CHST1: variants seen among roughly 807,000 people sequenced by gnomAD.
CHST1 encodes Keratan sulfotransferase.
CHST1 carries 10 observed loss-of-function variants against 22.5 expected under a neutral mutation model. That is an observed-to-expected ratio of 0.44 (90% CI 0.27 to 0.75). The LOEUF (loss-of-function observed/expected upper bound fraction) is 0.75, where lower values mean the gene tolerates loss of function less well. Ranked by LOEUF, CHST1 falls within the 30% of genes least tolerant of loss-of-function variation. The pLI is 0.15. For synonymous variants in CHST1, 267 were observed against 264.5 expected (o/e 1.01, Z -0.09); for missense variants, 439 against 576.1 (o/e 0.76, Z 2.44).
chr11:45,649,697 G>A lies in CHST1; in HGVS notation c.1227C>T (p.Pro409=), dbSNP rs377285363. 1.3e-6 allele frequency: 2 copies of A among 1,566,284 alleles called. No individual in the cohort carries two copies. The highest frequency in any genetic ancestry group is 2.7e-5 in the African/African-American group (2 of 73,602). Residue 409 remains proline, a synonymous_variant, in exon 4 of 4, where the codon CCC becomes CCT. Coordinates refer to ENST00000308064, the MANE Select transcript of CHST1 (RefSeq NM_003654.6). The stretch of plus-strand genomic sequence containing the variant: ...ACCCGCACCGCCCGGGTCACGAGAA[G>A]GGGCGGAAGTCCCGCTCCTCCACCA... ...VSLVEERDFR[P]FS is the part of the protein sequence containing the mutation.
At chr11:45,655,632 GGAGAGCCCAGCTGCAACAGGCAGCCTC>G (rs1852053051) in intron 1 of CHST1, among the ~76,000 whole-genome samples, 1 of 152,210 alleles carries the variant, frequency 6.6e-6, no homozygotes, top group Non-Finnish European at 1.5e-5. Context: ...AGCCGCACCG[GGAGAGCCCAGCTGCAACAGGCAGCCTC>G]GCCTTCTCCC....
Position 45,649,936 on chromosome 11 carries a change from G to A in CHST1, c.988C>T (p.Arg330Cys), listed in dbSNP as rs1851969006. The A allele has an allele frequency of 2.5e-6, 4 of 1,613,202 alleles. No individual in the cohort carries two copies. Among genetic ancestry groups the A allele is most frequent in the African/African-American group, 1.3e-5 (1 of 75,054 alleles). ...CCCCGCGTGTTGTTCTGGATCCAGC[G>A]GGCCACGTGGCTGTCCAGCGGGATG... The part of the protein sequence containing the change: ...LGIPLDSHVA[R>C]WIQNNTRGDP... The change falls in exon 4 of 4, where the codon CGC (arginine) becomes TGC (cysteine). Residue 330 changes from arginine to cysteine, a missense_variant. Transcript: ENST00000308064.
intron 1 of CHST1, among the ~76,000 whole-genome samples, chr11:45,653,275 G>A (rs545284378): frequency 2.0e-5 from 3 of 152,260 alleles, no homozygotes; most frequent in Non-Finnish European, 4.4e-5. Flanking sequence ...CCACTGTTCA[G>A]ATGGAGAAAT....
chr11:45,660,250 T>C (rs1261439698), intron 1 of CHST1, among the ~76,000 whole-genome samples: 1 of 152,174 alleles, frequency 6.6e-6, no homozygotes, highest in Non-Finnish European at 1.5e-5. Flanking sequence ...GATTTGTTCA[T>C]GCAACTCAGA....
rs1389586104 is a variant in CHST1, at chr11:45,665,430, C to G, written c.-479G>C. The G allele has an allele frequency of 6.6e-6, 1 of 151,738 alleles. No homozygotes were observed. Among genetic ancestry groups the G allele is most frequent in the East Asian group, 2.0e-4 (1 of 5,124 alleles). The allele number at this position is 151,738 out of a possible 1,614,324, so 9.4% of individuals were successfully genotyped here. Reference sequence around the variant, plus strand: ...CGGCTCGAGCAGCTGAGTGCGTTCTCTCCGGCCGGACGCGGGACCCGGGGC... The same window carrying G: ...CGGCTCGAGCAGCTGAGTGCGTTCTGTCCGGCCGGACGCGGGACCCGGGGC... On this transcript the variant is annotated 5_prime_UTR_variant, in exon 1 of 4. Transcript: ENST00000308064. The surrounding 1 kb of genome is among the most constrained non-coding windows in gnomAD (Gnocchi z 4.0).
intron 1 of CHST1, among the ~76,000 whole-genome samples, chr11:45,664,031 C>A (rs1852166847): frequency 6.6e-6 from 1 of 152,170 alleles, no homozygotes; most frequent in East Asian, 1.9e-4. Context: ...AGACAGCAGG[C>A]CCCACTGCAA....
In CHST1 at chr11:45,649,834, G is replaced by A; in HGVS notation, c.1090C>T (p.Leu364Phe). The A allele has an allele frequency of 1.2e-6, 2 of 1,611,514 alleles. No individual in the cohort carries two copies. The highest frequency in any genetic ancestry group is 1.7e-6 in the Non-Finnish European group (2 of 1,179,952). The change falls in exon 4 of 4, where the codon CTC becomes TTC. Residue 364 changes from leucine (L) to phenylalanine (F), a missense_variant. Leu to Phe is a conservative substitution (Grantham distance 22, BLOSUM62 0). Transcript: ENST00000308064. ...GCAAAGGCCACGATGTCGTAGGAGA[G>A]GCGGAAGCGCCACTTCTCGGCCGTG... Reference protein sequence around the residue: ...AATAEKWRFRLSYDIVAFAQN... With the variant: ...AATAEKWRFRFSYDIVAFAQN...
Position 45,649,450 on chromosome 11 carries a change from TGGG to T in CHST1, c.*235_*237del, listed in dbSNP as rs56347358. On this transcript the variant is annotated 3_prime_UTR_variant, in exon 4 of 4. Transcript: ENST00000308064. Reference sequence around the variant, plus strand: ...GAGACCCAACATCCATGTGTCTGAATGGGGGGGGGGGGGGCGGGACCCTACTTC... The same window carrying T: ...GAGACCCAACATCCATGTGTCTGAATGGGGGGGGGGGCGGGACCCTACTTC... 1.5e-4 allele frequency: 69 copies of T among 458,764 alleles called. No individual in the cohort carries two copies. The highest frequency in any genetic ancestry group is 1.4e-3 in the African/African-American group (55 of 40,006). The allele number at this position is 458,764 out of a possible 1,614,324, so 28.4% of individuals were successfully genotyped here.
chr11:45,662,633 C>T (rs1852149107), intron 1 of CHST1, among the ~76,000 whole-genome samples: 1 of 152,220 alleles, frequency 6.6e-6, no homozygotes, highest in Admixed American at 6.5e-5. Flanking sequence ...CTTTGGAACA[C>T]TTACTATGGC....
At chr11:45,664,983 C>G (rs45604433) in intron 1 of CHST1, among the ~76,000 whole-genome samples, 195 bp downstream of exon 1, 69,317 of 151,748 alleles carry the variant, frequency 0.46, 17,640 homozygotes, top group African/African-American at 0.69. Context: ...CGGCGCTCAC[C>G]GGCCACCAGC....
At chr11:45,655,731 C>A (rs1254590452) in intron 1 of CHST1, among the ~76,000 whole-genome samples, 1 of 152,254 alleles carries the variant, frequency 6.6e-6, no homozygotes, top group African/African-American at 2.4e-5. Flanking sequence ...CTGAATGTCA[C>A]AGGCAGGACT....
Position 45,650,770 on chromosome 11 carries a change from T to C in CHST1, c.154A>G (p.Thr52Ala). ...TTGCGGGAGAGGTTGTAGGCGAAGGTGGGGCTCTCCTCGCACAGTCGCTCG... is the reference window on the plus strand; with the variant it reads ...TTGCGGGAGAGGTTGTAGGCGAAGGCGGGGCTCTCCTCGCACAGTCGCTCG... ...LAERLCEESP[T>A]FAYNLSRKTH... The change falls in exon 4 of 4, where the codon ACC becomes GCC. Residue 52 changes from threonine to alanine, a missense_variant. Transcript: ENST00000308064. 1.2e-6 allele frequency: 2 copies of C among 1,614,002 alleles called. No homozygotes were observed. The highest frequency in any genetic ancestry group is 1.7e-6 in the Non-Finnish European group (2 of 1,179,956).
intron 1 of CHST1, among the ~76,000 whole-genome samples, chr11:45,658,138 G>C (rs1852085124): frequency 6.6e-6 from 1 of 152,238 alleles, no homozygotes; most frequent in Admixed American, 6.5e-5. Context: ...CACCCCAGCT[G>C]TGGGGCCACA....
chr11:45,660,597 T>C (rs2120351091), intron 1 of CHST1, among the ~76,000 whole-genome samples: 2 of 152,300 alleles, frequency 1.3e-5, no homozygotes, highest in Admixed American at 1.3e-4. Flanking sequence ...ATCTGGCATA[T>C]AAAGCTGTTA....
In CHST1 at chr11:45,650,340, T is replaced by A. The variant is rs774315452; in HGVS notation, c.584A>T (p.Glu195Val). Residue 195 changes from glutamate to valine, a missense_variant, in exon 4 of 4, where the codon GAG (glutamate) becomes GTG (valine). Coordinates refer to ENST00000308064, the MANE Select transcript of CHST1 (RefSeq NM_003654.6). ...CGLLNLTVAA[E>V]ACRERSHVAI... ...CACGTGGCTGCGCTCGCGGCACGCC[T>A]CGGCCGCCACGGTCAGGTTGAGTAG... The A allele has an allele frequency of 6.2e-7, 1 of 1,603,412 alleles. No individual in the cohort carries two copies. The highest frequency in any genetic ancestry group is 1.7e-5 in the Admixed American group (1 of 59,986).
intron 1 of CHST1, among the ~76,000 whole-genome samples, chr11:45,657,640 C>G (rs950916647): frequency 6.6e-6 from 1 of 152,214 alleles, no homozygotes; most frequent in Non-Finnish European, 1.5e-5. Context: ...GAGCATCCTT[C>G]CATGTGAGCA....
intron 1 of CHST1, among the ~76,000 whole-genome samples, chr11:45,659,783 A>C (rs1852106527): frequency 6.6e-6 from 1 of 152,180 alleles, no homozygotes. Context: ...CCCAAATCCT[A>C]TGCCACCAAA....
rs1250513921 is a variant in CHST1 at position 45,650,802 on chromosome 11, C to T, written c.122G>A (p.Gly41Glu). Residue 41 changes from glycine (G) to glutamate (E), a missense_variant, in exon 4 of 4, where the codon GGG becomes GAG. Gly to Glu is a moderately conservative substitution (Grantham distance 98). Transcript: ENST00000308064. ...CTCCTCGCACAGTCGCTCGGCCAGC[C>T]CGGCCTCTGCCAGCCCGGGGCAGGT... ...FHTCPGLAEAGLAERLCEESP... is the reference protein window; with the variant it reads ...FHTCPGLAEAELAERLCEESP... 2.5e-6 allele frequency: 4 copies of T among 1,612,846 alleles called. No individual in the cohort carries two copies. The East Asian group carries it at 8.9e-5, about 36-fold the overall frequency.
rs1171033418 is a variant in CHST1 at position 45,650,072 on chromosome 11, G to A, written c.852C>T (p.Ser284=). The A allele has an allele frequency of 6.2e-7, 1 of 1,614,104 alleles. No homozygotes were observed. The highest frequency in any genetic ancestry group is 8.5e-7 in the Non-Finnish European group (1 of 1,180,018). ...TVCEDFSNSV[S]TGLMRPPWLK... ...GCCACGGGGGCCGCATGAGGCCGGTGGACACGGAGTTGGAGAAGTCCTCGC... is the reference window on the plus strand; with the variant it reads ...GCCACGGGGGCCGCATGAGGCCGGTAGACACGGAGTTGGAGAAGTCCTCGC... The change falls in exon 4 of 4, where the codon TCC becomes TCT. Residue 284 remains serine (S), a synonymous_variant. Coordinates refer to ENST00000308064, the MANE Select transcript of CHST1 (RefSeq NM_003654.6).
Sources: gnomAD v4.1 joint callset for allele counts (sites outside exome capture counted in the v4.1 genomes callset) on GRCh38, gnomAD v4.1.1 for gene constraint, Gnocchi (gnomAD v3.1) non-coding constraint, MANE v1.5 for transcripts, NCBI Gene and HGNC (gene_info 2026-07-23, HGNC 2026-07-21) for gene names.